Variants in SPIDR observed in about 807,000 individuals in gnomAD.
SPIDR encodes DNA repair-scaffolding protein.
In SPIDR, 93 loss-of-function variants were observed where a neutral mutation model predicts 104.6. The observed-to-expected ratio is 0.89, with a 90% CI of 0.75 to 1.06. SPIDR has a LOEUF of 1.06. Among genes scored for constraint, SPIDR ranks in the 50% least tolerant of loss-of-function variants. The probability of loss-of-function intolerance (pLI) is 0.00; values close to 1 mark genes in which losing one functional copy is unlikely to be tolerated. For missense variants in SPIDR, 1,154 were observed against 1,111.2 expected (o/e 1.04, Z -0.55); for synonymous variants, 431 against 416.9 (o/e 1.03, Z -0.41).
At chr8:47,492,466 G>T (rs1293758509) in intron 8 of SPIDR, among the ~76,000 whole-genome samples, 1 of 152,184 alleles carries the variant, frequency 6.6e-6, no homozygotes, top group Non-Finnish European at 1.5e-5. Context: ...CCTGCTGATT[G>T]TAAATCAGTG....
chr8:47,317,870 A>T (rs978531254), intron 5 of SPIDR, among the ~76,000 whole-genome samples: 7 of 152,228 alleles, frequency 4.6e-5, no homozygotes, highest in African/African-American at 1.4e-4. Flanking sequence ...ACTCCAGCAG[A>T]CCTGCAACTG....
chr8:47,511,488 T>G, intron 8 of SPIDR: 1 of 777,978 alleles, frequency 1.3e-6, no homozygotes, highest in South Asian at 1.4e-5. Flanking sequence ...ACAGCTCTGC[T>G]GGCACCTCCC....
intron 11 of SPIDR, among the ~76,000 whole-genome samples, chr8:47,674,454 A>C (rs2076166052): frequency 6.6e-6 from 1 of 152,144 alleles, no homozygotes; most frequent in Admixed American, 6.5e-5. Flanking sequence ...GATCTGGCCT[A>C]TCTGTGCCTG....
At chr8:47,669,763 A>G (rs2075542851) in intron 10 of SPIDR, among the ~76,000 whole-genome samples, 1 of 152,208 alleles carries the variant, frequency 6.6e-6, no homozygotes, top group South Asian at 2.1e-4. Context: ...GCACTTTGGG[A>G]GGCCAAGGCG....
chr8:47,327,851 C>G (rs2047950417), intron 5 of SPIDR, among the ~76,000 whole-genome samples: 1 of 152,092 alleles, frequency 6.6e-6, no homozygotes, highest in Non-Finnish European at 1.5e-5. Context: ...GCATAAGCCA[C>G]TACACCTGAC....
chr8:47,527,482 A>C (rs1481688185), intron 8 of SPIDR: 1 of 152,326 alleles, frequency 6.6e-6, no homozygotes, highest in Non-Finnish European at 1.5e-5. Context: ...CAGAGGAATA[A>C]AATGGAAAGA....
chr8:47,688,162 CTCT>C (rs2078091248), intron 11 of SPIDR, among the ~76,000 whole-genome samples: 1 of 152,024 alleles, frequency 6.6e-6, no homozygotes, highest in Non-Finnish European at 1.5e-5. Flanking sequence ...CGGAGTCTCT[CTCT>C]GTTGCCCAGG....
chr8:47,413,028 T>C (rs2063752527), intron 7 of SPIDR, among the ~76,000 whole-genome samples: 1 of 152,242 alleles, frequency 6.6e-6, no homozygotes, highest in African/African-American at 2.4e-5. Context: ...CTTGAATTTC[T>C]TTCAACTGGA....
At chr8:47,413,742 A>G (rs1328823835) in intron 7 of SPIDR, among the ~76,000 whole-genome samples, 1 of 152,204 alleles carries the variant, frequency 6.6e-6, no homozygotes, top group Non-Finnish European at 1.5e-5. Flanking sequence ...TGGTGGGTAC[A>G]ATGCTGAAGG....
intron 1 of SPIDR, among the ~76,000 whole-genome samples, chr8:47,266,436 A>C (rs1283976421): frequency 1.3e-5 from 2 of 152,198 alleles, no homozygotes; most frequent in African/African-American, 4.8e-5. Flanking sequence ...GTGCCTGGCC[A>C]ATAGTTTCTT....
chr8:47,563,585 A>G (rs1319510652), intron 8 of SPIDR, among the ~76,000 whole-genome samples: 1 of 152,138 alleles, frequency 6.6e-6, no homozygotes, highest in African/African-American at 2.4e-5. Context: ...TTGTGCCCCT[A>G]TCGACTGTCA....
chr8:47,661,913 A>G (rs1175378153), intron 10 of SPIDR, among the ~76,000 whole-genome samples: 1 of 152,128 alleles, frequency 6.6e-6, no homozygotes, highest in Admixed American at 6.5e-5. Context: ...TTCTCCATAG[A>G]GCAGTTTGCC....
intron 1 of SPIDR, among the ~76,000 whole-genome samples, chr8:47,279,037 C>T (rs1415530692): frequency 6.6e-6 from 1 of 151,396 alleles, no homozygotes; most frequent in Non-Finnish European, 1.5e-5. Flanking sequence ...CAGTCGTGTG[C>T]CACCATGCCC....
At chr8:47,595,413 G>C (rs1045827462) in intron 8 of SPIDR, among the ~76,000 whole-genome samples, 1 of 152,148 alleles carries the variant, frequency 6.6e-6, no homozygotes, top group Non-Finnish European at 1.5e-5. Context: ...GCATTTAATG[G>C]TATGTTCTTT....
intron 7 of SPIDR, among the ~76,000 whole-genome samples, chr8:47,438,274 C>T (rs1041634176): frequency 1.3e-5 from 2 of 152,156 alleles, no homozygotes; most frequent in African/African-American, 4.8e-5. Context: ...GGTTTCAGGC[C>T]TGTGCATTGC....
chr8:47,702,052 TTCTC>T lies in SPIDR; in HGVS notation c.1977+79_1977+82del, dbSNP rs1225834265. The T allele has an allele frequency of 2.4e-4, 279 of 1,178,102 alleles. 2 individuals carry two copies. In the African/African-American group the frequency reaches 8.5e-3, roughly 36 times the overall value. The allele number at this position is 1,178,102 out of a possible 1,614,324, so 73.0% of individuals were successfully genotyped here. ...TCTCAATCTCTCAATCTCTCAGCCT[TTCTC>T]TCTCTCTCTCTCTCTCTCTCTCTCT... On this transcript the variant is annotated intron_variant, in intron 14 of 19. Transcript: ENST00000297423.
chr8:47,729,066 C>G lies in SPIDR; in HGVS notation c.2550+19C>G. ...GGTCAAGGTAGGAGCCAGGCCAGAG[C>G]ACGCACGCACTCCTAGCTCACTCCA... is the stretch of plus-strand genomic sequence containing the variant. On this transcript the variant is annotated intron_variant, in intron 18 of 19. Transcript: ENST00000297423. 6.2e-7 allele frequency: 1 copy of G among 1,612,840 alleles called. No individual in the cohort carries two copies. The highest frequency in any genetic ancestry group is 8.5e-7 in the Non-Finnish European group (1 of 1,179,664).
chr8:47,418,460 A>G (rs1183355649), intron 7 of SPIDR, among the ~76,000 whole-genome samples: 1 of 152,028 alleles, frequency 6.6e-6, no homozygotes, highest in African/African-American at 2.4e-5. Context: ...GATTTTTGCA[A>G]ATTGATTTTG....
rs1587276835 is a variant in SPIDR at position 47,339,021 on chromosome 8, C to A, written c.525+44991C>A. ...AGATAAAAGTACTACTTAGAGTGAA[C>A]CTTCATGAGCAAGAGGTCACTATTA... On this transcript the variant is annotated intron_variant, in intron 5 of 19. Coordinates refer to ENST00000297423, the MANE Select transcript of SPIDR (RefSeq NM_001080394.4). Among the ~76,000 whole-genome samples the A allele has an allele frequency of 2.6e-5, 4 of 152,132 alleles. No homozygotes were observed. In the South Asian group the frequency reaches 8.3e-4, roughly 32 times the overall value.
Sources: allele counts gnomAD v4.1 joint callset (sites outside exome capture counted in the v4.1 genomes callset), GRCh38; gene constraint gnomAD v4.1.1; transcripts MANE v1.5; gene names NCBI Gene and HGNC (gene_info 2026-07-23, HGNC 2026-07-21).